The following BCAS4 variants were observed in gnomAD, a reference collection of about 807,000 sequenced individuals.
The protein encoded by BCAS4 is breast carcinoma-amplified sequence 4.
BCAS4 carries 9 observed loss-of-function variants against 15.7 expected under a neutral mutation model. The ratio of observed to expected loss-of-function variants is 0.57; its 90% CI spans 0.34 to 1.00. BCAS4 has a LOEUF of 1.00. BCAS4 is among the 50% of genes least tolerant of loss of function. The probability of loss-of-function intolerance (pLI) is 0.02; values close to 1 mark genes in which losing one functional copy is unlikely to be tolerated. For missense variants in BCAS4, 225 were observed against 239.1 expected (o/e 0.94, Z 0.39); for synonymous variants, 101 against 99.5 (o/e 1.02, Z -0.09).
chr20:50,838,651 C>T (rs1473224221), intron 3 of BCAS4, among the ~76,000 whole-genome samples: 1 of 152,056 alleles, frequency 6.6e-6, no homozygotes, highest in East Asian at 1.9e-4. Flanking sequence ...TCGAGACCAG[C>T]CTGACCAACA....
At chr20:50,839,029 A>G (rs1445708679) in intron 3 of BCAS4, among the ~76,000 whole-genome samples, 1 of 152,176 alleles carries the variant, frequency 6.6e-6, no homozygotes, top group Non-Finnish European at 1.5e-5. Flanking sequence ...GCTAGATGGC[A>G]GGAGGCCTGA....
At chr20:50,843,319 A>G (rs537873805) in intron 4 of BCAS4, among the ~76,000 whole-genome samples, 19 of 152,284 alleles carry the variant, frequency 1.2e-4, no homozygotes, top group Non-Finnish European at 2.5e-4. Context: ...TAATTCATTT[A>G]TCTTTCCCAG....
At chr20:50,801,646 C>T (rs1242424793) in intron 1 of BCAS4, among the ~76,000 whole-genome samples, 1 of 152,182 alleles carries the variant, frequency 6.6e-6, no homozygotes, top group Admixed American at 6.5e-5. Context: ...TGGCCTCTTC[C>T]TTAAATTGTA....
intron 3 of BCAS4, 94 bp downstream of exon 3, chr20:50,830,474 G>A: frequency 1.0e-6 from 1 of 999,534 alleles, no homozygotes; most frequent in Non-Finnish European, 1.5e-6. Context: ...AGCATGTCAG[G>A]CATTATGCCC....
At position 50,851,880 on chromosome 20, in the gene BCAS4, C is replaced by T. The variant is rs1430493724; in HGVS notation, c.399+9980C>T. 6.6e-6 allele frequency among the ~76,000 whole-genome samples: 1 copy of T among 152,280 alleles called. No individual in the cohort carries two copies. The highest frequency in any genetic ancestry group is 2.4e-5 in the African/African-American group (1 of 41,484). Reference sequence around the variant, plus strand: ...TTCCTCTGGGGTCCCCTAACCCAAACCCTCGTTCATTGCCTGGCGGGCACA... The same window carrying T: ...TTCCTCTGGGGTCCCCTAACCCAAATCCTCGTTCATTGCCTGGCGGGCACA... On this transcript the variant is annotated intron_variant, in intron 4 of 4. Transcript: ENST00000371608. The surrounding 1 kb of genome is among the most constrained non-coding windows in gnomAD (Gnocchi z 4.3).
Position 50,795,561 on chromosome 20 carries a change from T to C in BCAS4, c.90+388T>C, listed in dbSNP as rs1292094636. Among the ~76,000 whole-genome samples, 5 of 130,844 alleles carry C rather than the reference T, an allele frequency of 3.8e-5. No individual in the cohort carries two copies. In the East Asian group the frequency reaches 1.1e-3, roughly 28 times the overall value. 85.8% of individuals were successfully genotyped at this position (130,844 alleles called of 152,430 possible). On this transcript the variant is annotated intron_variant, in intron 1 of 4. Transcript: ENST00000371608. ...CAGGCTGCGGCTGTGCGGGCCGCGC[T>C]GCGCTGCTGCAGCTCGGAGCGAAAA... is the stretch of plus-strand genomic sequence containing the variant.
chr20:50,797,115 G>A (rs917915195), intron 1 of BCAS4, among the ~76,000 whole-genome samples: 27 of 152,150 alleles, frequency 1.8e-4, no homozygotes, highest in African/African-American at 6.3e-4. Context: ...TGGGATTATA[G>A]GCATGTACCA....
chr20:50,799,984 G>A (rs1001542253), intron 1 of BCAS4, among the ~76,000 whole-genome samples: 10 of 152,186 alleles, frequency 6.6e-5, no homozygotes, highest in Non-Finnish European at 1.0e-4. Context: ...GGAGGTGGAG[G>A]TTGCAGTGAG....
At chr20:50,870,130 T>C (rs1225174091) in intron 4 of BCAS4, among the ~76,000 whole-genome samples, 1 of 152,182 alleles carries the variant, frequency 6.6e-6, no homozygotes, top group Non-Finnish European at 1.5e-5. Flanking sequence ...TTATACTACC[T>C]GGGCAGAGTT....
chr20:50,825,963 G>T (rs6067562), intron 2 of BCAS4, among the ~76,000 whole-genome samples: 13 of 152,132 alleles, frequency 8.5e-5, no homozygotes, highest in African/African-American at 3.1e-4. Flanking sequence ...TTGGGATTTA[G>T]GGGGCGAGGG....
At chr20:50,853,110 A>G (rs1395849226) in intron 4 of BCAS4, among the ~76,000 whole-genome samples, 1 of 150,808 alleles carries the variant, frequency 6.6e-6, no homozygotes, top group African/African-American at 2.4e-5. Context: ...ATGAAGTGTC[A>G]ATGAATGCAG....
intron 3 of BCAS4, among the ~76,000 whole-genome samples, chr20:50,837,670 G>C (rs1030578930): frequency 6.6e-6 from 1 of 152,288 alleles, no homozygotes; most frequent in Admixed American, 6.5e-5. Flanking sequence ...TCCTCTCCCC[G>C]GAGTCGGAGC....
intron 4 of BCAS4, among the ~76,000 whole-genome samples, chr20:50,848,284 A>T (rs144144283): frequency 1.1e-4 from 17 of 152,234 alleles, no homozygotes; most frequent in African/African-American, 3.9e-4. Context: ...AAAAATTAAA[A>T]GGGATCCCAG....
At chr20:50,798,574 A>G (rs1420418560) in intron 1 of BCAS4, among the ~76,000 whole-genome samples, 1 of 152,214 alleles carries the variant, frequency 6.6e-6, no homozygotes, top group African/African-American at 2.4e-5. Context: ...TCACTAGTAC[A>G]AAGTTAATGA....
At chr20:50,838,201 T>A (rs2088433866) in intron 3 of BCAS4, among the ~76,000 whole-genome samples, 1 of 152,250 alleles carries the variant, frequency 6.6e-6, no homozygotes, top group Non-Finnish European at 1.5e-5. Flanking sequence ...GCCACCCATA[T>A]GGGCCCTGTC....
At chr20:50,834,145 A>G (rs908625635) in intron 3 of BCAS4, among the ~76,000 whole-genome samples, 2 of 152,146 alleles carry the variant, frequency 1.3e-5, no homozygotes, top group African/African-American at 4.8e-5. Context: ...GACAGGACCC[A>G]TCAGAGGGAT....
chr20:50,862,900 C>A (rs923101880), intron 4 of BCAS4, among the ~76,000 whole-genome samples: 2 of 151,498 alleles, frequency 1.3e-5, no homozygotes, highest in Non-Finnish European at 2.9e-5. Flanking sequence ...AATGCAGTGG[C>A]ACAATCTCAG....
chr20:50,821,936 A>G (rs1034817994), intron 2 of BCAS4, among the ~76,000 whole-genome samples: 8 of 152,182 alleles, frequency 5.3e-5, no homozygotes, highest in African/African-American at 1.9e-4. Context: ...GTTACCTCTC[A>G]GAACATTTAT....
intron 1 of BCAS4, among the ~76,000 whole-genome samples, chr20:50,813,837 TA>T (rs529228686): frequency 0.033 from 4,771 of 144,466 alleles, 85 homozygotes; most frequent in Middle Eastern, 0.14. Context: ...GGTGTTTGTT[TA>T]AAAAAAAAAA....
Sources: allele counts gnomAD v4.1 joint callset (sites outside exome capture counted in the v4.1 genomes callset), GRCh38; gene constraint gnomAD v4.1.1; non-coding constraint Gnocchi (gnomAD v3.1); transcripts MANE v1.5; gene names NCBI Gene and HGNC (gene_info 2026-07-23, HGNC 2026-07-21).